Variants in CPA6 observed in about 807,000 individuals in gnomAD.
The protein encoded by CPA6 is carboxypeptidase B.
CPA6 carries 58 observed loss-of-function variants against 63.3 expected under a neutral mutation model. The observed-to-expected ratio is 0.92, with a 90% CI of 0.74 to 1.14. The LOEUF is 1.14. CPA6 is among the 50% of genes most tolerant of loss of function. The pLI, the probability that CPA6 is intolerant of heterozygous loss-of-function variation, is 0.00. For synonymous variants in CPA6, 185 were observed against 179.0 expected, an observed-to-expected ratio of 1.03 and a Z score of -0.27; for missense variants, 565 against 526.6, an observed-to-expected ratio of 1.07 and a Z score of -0.71.
intron 8 of CPA6, among the ~76,000 whole-genome samples, chr8:67,439,597 A>G (rs1178679846): frequency 5.9e-5 from 9 of 151,282 alleles, no homozygotes; most frequent in Non-Finnish European, 1.5e-5. Context: ...CTCAAAAAAA[A>G]AAAAGAAAGA....
intron 8 of CPA6, among the ~76,000 whole-genome samples, chr8:67,474,516 C>T (rs113865165): frequency 0.018 from 2,805 of 152,188 alleles, 91 homozygotes; most frequent in African/African-American, 0.062. Context: ...CCACAGCCGC[C>T]GGCCGCAGCT....
intron 1 of CPA6, among the ~76,000 whole-genome samples, chr8:67,652,642 C>A (rs1246559026): frequency 3.3e-5 from 5 of 149,586 alleles, no homozygotes; most frequent in African/African-American, 1.2e-4. Context: ...GATATTAGCC[C>A]TTTGTCAGAT....
At chr8:67,596,527 A>C (rs191919073) in intron 2 of CPA6, among the ~76,000 whole-genome samples, 3,696 of 144,808 alleles carry the variant, frequency 0.026, 77 homozygotes, top group African/African-American at 0.06. Flanking sequence ...GTATGAATTT[A>C]TTTCTTTTTT....
chr8:67,665,279 A>G (rs976371431), intron 1 of CPA6, among the ~76,000 whole-genome samples: 1 of 152,226 alleles, frequency 6.6e-6, no homozygotes, highest in Non-Finnish European at 1.5e-5. Context: ...TAGTAGGTAC[A>G]TCTATATGCA....
At chr8:67,601,307 C>T (rs1814491904) in intron 2 of CPA6, among the ~76,000 whole-genome samples, 1 of 152,148 alleles carries the variant, frequency 6.6e-6, no homozygotes, top group Non-Finnish European at 1.5e-5. Flanking sequence ...GCTATAGATA[C>T]ACACTTTTAA....
intron 8 of CPA6, among the ~76,000 whole-genome samples, chr8:67,462,753 A>C (rs1810841014): frequency 6.6e-6 from 1 of 152,224 alleles, no homozygotes. Flanking sequence ...AGGTGTTTTT[A>C]AGTATCATTT....
intron 8 of CPA6, among the ~76,000 whole-genome samples, chr8:67,451,741 G>A (rs1454103040): frequency 6.6e-6 from 1 of 152,098 alleles, no homozygotes; most frequent in African/African-American, 2.4e-5. Context: ...ATGGAAGGCT[G>A]AGGACACACC....
chr8:67,431,490 A>C (rs1767990524), intron 9 of CPA6, among the ~76,000 whole-genome samples: 1 of 152,164 alleles, frequency 6.6e-6, no homozygotes, highest in South Asian at 2.1e-4. Flanking sequence ...GGCCTCCCAA[A>C]GTGCTGGGAT....
chr8:67,424,194 A>T (rs192909792), intron 10 of CPA6, among the ~76,000 whole-genome samples: 32 of 152,328 alleles, frequency 2.1e-4, no homozygotes, highest in African/African-American at 7.7e-4. Context: ...GTGATTCTAC[A>T]TTATGGTGAA....
intron 1 of CPA6, among the ~76,000 whole-genome samples, chr8:67,722,161 ACT>A (rs1289286977): frequency 6.6e-6 from 1 of 152,078 alleles, no homozygotes; most frequent in Non-Finnish European, 1.5e-5. Flanking sequence ...GCCCATTTAA[ACT>A]CTGTTAAATT....
rs140458867 is a variant in CPA6, at chr8:67,431,089, C to T, written c.1041+2949G>A. 2.2e-3 allele frequency among the ~76,000 whole-genome samples: 341 copies of T among 152,182 alleles called. 2 individuals are homozygous for T. The highest frequency in any genetic ancestry group is 4.6e-3 in the Admixed American group (70 of 15,302). ...ATATTACCTAGGCTGGTCTTGAACT[C>T]CTGGGCCCAAGCAATCCTCCAGCCT... On this transcript the variant is annotated intron_variant, in intron 9 of 10. Transcript: ENST00000297770.
intron 2 of CPA6, among the ~76,000 whole-genome samples, chr8:67,538,512 G>GTTTTT (rs139665944): frequency 1.7e-4 from 15 of 90,780 alleles, no homozygotes; most frequent in Non-Finnish European, 1.9e-4. Flanking sequence ...TGCAACCCCT[G>GTTTTT]TTTTTTTTTT....
chr8:67,525,075 A>G (rs954683648), intron 2 of CPA6, among the ~76,000 whole-genome samples: 33 of 152,194 alleles, frequency 2.2e-4, no homozygotes, highest in African/African-American at 6.8e-4. Context: ...TGACTTGCCA[A>G]CATTTCAAAT....
Position 67,725,141 on chromosome 8 carries a change from T to C in CPA6, c.116+20873A>G, listed in dbSNP as rs570576701. Among the ~76,000 whole-genome samples the C allele has an allele frequency of 5.3e-5, 8 of 152,338 alleles. No individual in the cohort carries two copies. The East Asian group carries it at 1.5e-3, about 29-fold the overall frequency. On this transcript the variant is annotated intron_variant, in intron 1 of 10. Transcript: ENST00000297770. ...GTATGTATTAGATGATCAAAACCTT[T>C]GTTGAATGAGTAAAGAAAAACCACA...
intron 2 of CPA6, among the ~76,000 whole-genome samples, chr8:67,602,966 A>G (rs1378446515): frequency 1.3e-5 from 2 of 152,166 alleles, no homozygotes; most frequent in Non-Finnish European, 2.9e-5. Context: ...TGCTTTCTCT[A>G]TCTTCCTTAA....
intron 1 of CPA6, among the ~76,000 whole-genome samples, chr8:67,713,317 A>G (rs1407680140): frequency 1.3e-5 from 2 of 151,736 alleles, no homozygotes; most frequent in African/African-American, 2.4e-5. Flanking sequence ...CTCAGGTAAC[A>G]AACAAGTGAA....
At chr8:67,436,903 G>A (rs1280516390) in intron 8 of CPA6, among the ~76,000 whole-genome samples, 2 of 152,158 alleles carry the variant, frequency 1.3e-5, no homozygotes, top group Non-Finnish European at 2.9e-5. Flanking sequence ...CTGTGATGTA[G>A]CCTAATTCTA....
At chr8:67,509,437 T>C in intron 5 of CPA6, 80 bp downstream of exon 5, 1 of 672,990 alleles carries the variant, frequency 1.5e-6, no homozygotes, top group Non-Finnish European at 2.6e-6. Flanking sequence ...TCATTTCATT[T>C]CTTTTCCCAT....
At chr8:67,502,610 C>G (rs979605170) in intron 6 of CPA6, among the ~76,000 whole-genome samples, 1 of 152,056 alleles carries the variant, frequency 6.6e-6, no homozygotes, top group South Asian at 2.1e-4. Context: ...TAACATATAC[C>G]TTTAGTGCTA....
Sources: allele counts gnomAD v4.1 joint callset (sites outside exome capture counted in the v4.1 genomes callset), GRCh38; gene constraint gnomAD v4.1.1; transcripts MANE v1.5; gene names NCBI Gene and HGNC (gene_info 2026-07-23, HGNC 2026-07-21).